MAGI2: variants seen among roughly 807,000 people sequenced by gnomAD.
MAGI2 encodes the protein membrane associated guanylate kinase, WW and PDZ domain containing 2, also known as membrane-associated guanylate kinase, WW and PDZ domain-containing protein 2.
In MAGI2, 35 loss-of-function variants were observed where a neutral mutation model predicts 133.3. That is an observed-to-expected ratio of 0.26 (90% confidence interval 0.20 to 0.35). The LOEUF is 0.35. MAGI2 is among the 10% of genes least tolerant of loss of function. The pLI, the probability that MAGI2 is intolerant of heterozygous loss-of-function variation, is 1.00. For missense variants in MAGI2, 1,636 were observed against 1,863.4 expected, an observed-to-expected ratio of 0.88 and a Z score of 2.25; for synonymous variants, 729 against 710.6, an observed-to-expected ratio of 1.03 and a Z score of -0.41.
chr7:78,767,803 T>A (rs368619279), intron 2 of MAGI2, among the ~76,000 whole-genome samples: 1 of 152,212 alleles, frequency 6.6e-6, no homozygotes, highest in African/African-American at 2.4e-5. Flanking sequence ...TCTTGGGAAA[T>A]TTTGTGTTTT....
At chr7:78,792,600 G>A (rs927773057) in intron 2 of MAGI2, among the ~76,000 whole-genome samples, 1 of 152,170 alleles carries the variant, frequency 6.6e-6, no homozygotes, top group Non-Finnish European at 1.5e-5. Flanking sequence ...AATAAGTACA[G>A]ATTGAGAGTT....
At chr7:78,035,252 A>C (rs2428927) in intron 21 of MAGI2, 111,018 of 153,128 alleles carry the variant, frequency 0.73, 41,250 homozygotes, top group African/African-American at 0.87. Context: ...CAAAGCAGAG[A>C]GGGAGGGATC....
At chr7:78,775,700 T>G (rs983103206) in intron 2 of MAGI2, among the ~76,000 whole-genome samples, 1 of 152,186 alleles carries the variant, frequency 6.6e-6, no homozygotes, top group African/African-American at 2.4e-5. Flanking sequence ...GGTTCTTATA[T>G]TAGTGTTAAA....
Position 78,378,546 on chromosome 7 carries a change from C to T in MAGI2, c.1046-9333G>A, listed in dbSNP as rs888824231. Among the ~76,000 whole-genome samples, 27 of 152,022 alleles carry T rather than the reference C, an allele frequency of 1.8e-4. No individual in the cohort carries two copies. The Middle Eastern group carries it at 0.01, about 57-fold the overall frequency. On this transcript the variant is annotated intron_variant, in intron 6 of 21. Transcript: ENST00000354212. ...AATTAACATTAAATCTCAGGAAGAA[C>T]GAACACATCTAGAAAACAGTGAAGC... is the stretch of plus-strand genomic sequence containing the variant.
intron 7 of MAGI2, chr7:78,352,808 T>A (rs1481879619): frequency 6.6e-6 from 1 of 152,166 alleles, no homozygotes; most frequent in African/African-American, 2.4e-5. Flanking sequence ...GTAATGCTAG[T>A]TATTTAGTTA....
At chr7:78,525,891 G>A (rs550119762) in intron 3 of MAGI2, among the ~76,000 whole-genome samples, 1 of 152,078 alleles carries the variant, frequency 6.6e-6, no homozygotes, top group Non-Finnish European at 1.5e-5. Flanking sequence ...TGTATCAAAT[G>A]GGGAGTAGAG....
chr7:78,825,674 T>C (rs1266135195), intron 2 of MAGI2, among the ~76,000 whole-genome samples: 1 of 152,200 alleles, frequency 6.6e-6, no homozygotes, highest in Non-Finnish European at 1.5e-5. Flanking sequence ...TTCAATCTTA[T>C]GTGGGAAAGT....
At chr7:79,104,992 T>C (rs1440138456) in intron 1 of MAGI2, among the ~76,000 whole-genome samples, 1 of 152,218 alleles carries the variant, frequency 6.6e-6, no homozygotes, top group Non-Finnish European at 1.5e-5. Context: ...AACTTCTTTA[T>C]GCAAATATTC....
intron 3 of MAGI2, among the ~76,000 whole-genome samples, chr7:78,610,299 C>T (rs1310228582): frequency 6.6e-6 from 1 of 152,154 alleles, no homozygotes; most frequent in Non-Finnish European, 1.5e-5. Context: ...TGGAGGAGGA[C>T]AGGCTGACTT....
At chr7:78,975,629 A>G (rs564141481) in intron 2 of MAGI2, among the ~76,000 whole-genome samples, 19 of 151,820 alleles carry the variant, frequency 1.3e-4, no homozygotes, top group African/African-American at 4.1e-4. Flanking sequence ...GAGAAAAATT[A>G]AGCCTATCCC....
In MAGI2 at chr7:78,230,583, G is replaced by A. The variant is rs757512133; in HGVS notation, c.2047+25360C>T. Among the ~76,000 whole-genome samples, 18 of 152,058 alleles carry A rather than the reference G, an allele frequency of 1.2e-4. 1 individual carries two copies. Among genetic ancestry groups the A allele is most frequent in the Non-Finnish European group, 1.9e-4 (13 of 68,016 alleles). ...GTTTTTAATGATTTTCCAAATTTCTGAAGGAGTCAATTGAAATTCTAGGCT... is the reference window on the plus strand; with the variant it reads ...GTTTTTAATGATTTTCCAAATTTCTAAAGGAGTCAATTGAAATTCTAGGCT... On this transcript the variant is annotated intron_variant, in intron 10 of 21. Coordinates refer to ENST00000354212, the MANE Select transcript of MAGI2 (RefSeq NM_012301.4).
chr7:78,460,695 G>A (rs185927748), intron 6 of MAGI2, among the ~76,000 whole-genome samples: 4 of 152,308 alleles, frequency 2.6e-5, no homozygotes, highest in African/African-American at 9.6e-5. Flanking sequence ...GGATGTGCAA[G>A]GCACTGAGGC....
intron 9 of MAGI2, among the ~76,000 whole-genome samples, chr7:78,258,536 C>T (rs558813169): frequency 2.6e-5 from 4 of 152,188 alleles, no homozygotes; most frequent in Non-Finnish European, 5.9e-5. Context: ...TCCAAGGTAA[C>T]CATTGCCCTA....
chr7:78,880,256 A>G, intron 2 of MAGI2, among the ~76,000 whole-genome samples: 1 of 152,200 alleles, frequency 6.6e-6, no homozygotes, highest in East Asian at 1.9e-4. Flanking sequence ...ATAAATATCA[A>G]CAAGGCACAT....
At chr7:78,530,414 TATAGG>T (rs763943518) in intron 3 of MAGI2, among the ~76,000 whole-genome samples, 2 of 152,210 alleles carry the variant, frequency 1.3e-5, no homozygotes, top group African/African-American at 2.4e-5. Context: ...ATTATTAAGA[TATAGG>T]ATAGAAGGTA....
chr7:79,043,584 C>G (rs944751718), intron 1 of MAGI2, among the ~76,000 whole-genome samples: 2 of 123,212 alleles, frequency 1.6e-5, no homozygotes, highest in Non-Finnish European at 3.5e-5. Context: ...ACACAAAAAA[C>G]CATACAAAAG....
intron 3 of MAGI2, among the ~76,000 whole-genome samples, chr7:78,573,263 A>AAT (rs1362030877): frequency 6.4e-5 from 1 of 15,680 alleles, no homozygotes; most frequent in African/African-American, 2.3e-4. Context: ...TATAAATATA[A>AAT]ATATATATAA....
At chr7:79,392,033 G>A (rs7456505) in intron 1 of MAGI2, among the ~76,000 whole-genome samples, 22,682 of 151,830 alleles carry the variant, frequency 0.15, 1,882 homozygotes, top group East Asian at 0.29. Flanking sequence ...GACAGGCCCC[G>A]GTGTGTGATA....
chr7:78,388,537 G>T (rs1368752394), intron 6 of MAGI2, among the ~76,000 whole-genome samples: 1 of 152,170 alleles, frequency 6.6e-6, no homozygotes, highest in African/African-American at 2.4e-5. Context: ...TTAAGTAGGA[G>T]GAGACTTTAT....
Sources: allele counts gnomAD v4.1 joint callset (sites outside exome capture counted in the v4.1 genomes callset), GRCh38; gene constraint gnomAD v4.1.1; transcripts MANE v1.5; gene names NCBI Gene and HGNC (gene_info 2026-07-23, HGNC 2026-07-21).